SPATA13: variants seen among roughly 807,000 people sequenced by gnomAD.
SPATA13 encodes spermatogenesis associated 13.
In SPATA13, 50 loss-of-function variants were observed where a neutral mutation model predicts 104.0. The ratio of observed to expected loss-of-function variants is 0.48; its 90% CI spans 0.38 to 0.61. The LOEUF (loss-of-function observed/expected upper bound fraction) is 0.61. SPATA13 is among the 20% of genes least tolerant of loss of function. SPATA13 has a pLI of 0.00. For synonymous variants in SPATA13, 606 were observed against 667.5 expected, an observed-to-expected ratio of 0.91 and a Z score of 1.42; for missense variants, 1,524 against 1,690.6, an observed-to-expected ratio of 0.90 and a Z score of 1.73.
chr13:24,085,601 C>T (rs1469916513), intron 3 of SPATA13, among the ~76,000 whole-genome samples: 3 of 152,240 alleles, frequency 2.0e-5, no homozygotes, highest in Non-Finnish European at 1.5e-5. Context: ...TCTGCCACCA[C>T]GTGCCTTCTC....
intron 2 of SPATA13, among the ~76,000 whole-genome samples, chr13:24,227,832 A>C (rs187089996): frequency 6.6e-6 from 1 of 152,232 alleles, no homozygotes; most frequent in African/African-American, 2.4e-5. Flanking sequence ...AGCCTTCCAA[A>C]GTGCTAGGAT....
chr13:24,004,922 C>G (rs901594989), intron 2 of SPATA13, among the ~76,000 whole-genome samples: 2 of 152,140 alleles, frequency 1.3e-5, no homozygotes, highest in East Asian at 1.9e-4. Context: ...TTTAGCTGTC[C>G]TATTATCATC....
chr13:24,278,784 T>C (rs767874752), intron 4 of SPATA13: 4 of 1,601,592 alleles, frequency 2.5e-6, no homozygotes, highest in Non-Finnish European at 3.4e-6. Flanking sequence ...AAGAAAAATA[T>C]AGAAAAGAAA....
intron 3 of SPATA13, among the ~76,000 whole-genome samples, chr13:24,055,319 G>A (rs1878505233): frequency 6.6e-6 from 1 of 152,170 alleles, no homozygotes; most frequent in African/African-American, 2.4e-5. Context: ...ACAGTGCATC[G>A]TGTAAGATCC....
At chr13:24,037,812 C>T (rs570753040) in intron 3 of SPATA13, among the ~76,000 whole-genome samples, 33 of 152,174 alleles carry the variant, frequency 2.2e-4, no homozygotes, top group Non-Finnish European at 3.8e-4. Flanking sequence ...CCATGAAACC[C>T]CCAGAACTTG....
chr13:24,211,451 T>C (rs921673143), intron 1 of SPATA13, among the ~76,000 whole-genome samples: 2 of 152,198 alleles, frequency 1.3e-5, no homozygotes, highest in Non-Finnish European at 2.9e-5. Flanking sequence ...GTTGAGAGTT[T>C]TTATCATGAA....
rs755699463 is a variant in SPATA13, at chr13:24,251,745, C to G, written c.2047C>G (p.His683Asp). Residue 683 changes from histidine (H) to aspartate (D), a missense_variant, in exon 4 of 13, where the codon CAC (histidine) becomes GAC (aspartate). Around this residue, in one of 2 missense-constraint regions of SPATA13, gnomAD observed 1,089 missense variants for 1,135.9 expected, o/e 0.96. Transcript: ENST00000382108. ...GGCTTCCAGGCCGCCCATGCCTGCT[C>G]ACCAGGTGCCACCCTACAAGGCTGT... Reference protein sequence around the residue: ...QPASRPPMPAHQVPPYKAVSA... With the variant: ...QPASRPPMPADQVPPYKAVSA... 8.7e-6 allele frequency: 14 copies of G among 1,614,180 alleles called. No individual in the cohort carries two copies. The highest frequency in any genetic ancestry group is 6.6e-5 in the South Asian group (6 of 91,074).
intron 2 of SPATA13, among the ~76,000 whole-genome samples, chr13:24,229,234 G>A (rs1872122504): frequency 1.3e-5 from 2 of 152,168 alleles, no homozygotes; most frequent in South Asian, 4.1e-4. Context: ...CAGAGTCAGT[G>A]GTTCAGGTAG....
At chr13:24,291,747 TATTTTTTTA>T (rs1456788101) in intron 9 of SPATA13, among the ~76,000 whole-genome samples, 2 of 34,656 alleles carry the variant, frequency 5.8e-5, no homozygotes, top group African/African-American at 2.1e-4. Context: ...TTTATTTTTT[TATTTTTTTA>T]TTTTTTTTTT....
intron 3 of SPATA13, among the ~76,000 whole-genome samples, chr13:24,022,036 T>G (rs1035102384): frequency 6.8e-6 from 1 of 146,468 alleles, no homozygotes; most frequent in Non-Finnish European, 1.5e-5. Flanking sequence ...TTAATGTTTC[T>G]TTTCTCTTTT....
chr13:24,237,880 CATTTATA>C (rs1011138455), intron 2 of SPATA13, among the ~76,000 whole-genome samples: 135 of 84,128 alleles, frequency 1.6e-3, no homozygotes, highest in African/African-American at 5.4e-3. Context: ...TAATATATAT[CATTTATA>C]ATATATAAAC....
In SPATA13 at chr13:24,297,350, T is replaced by C; in HGVS notation, c.3211-13T>C. Reference sequence around the variant, plus strand: ...GAATTGGAAGGTCTTAAGATGTGTTTTCATCCTTCCAGGGACTGGATATCT... The same window carrying C: ...GAATTGGAAGGTCTTAAGATGTGTTCTCATCCTTCCAGGGACTGGATATCT... On this transcript the variant is annotated splice_polypyrimidine_tract_variant and intron_variant, in intron 10 of 12. Transcript: ENST00000382108. 1 of 1,597,598 alleles carries C rather than the reference T, an allele frequency of 6.3e-7. No individual in the cohort carries two copies. Among genetic ancestry groups the C allele is most frequent in the Non-Finnish European group, 8.5e-7 (1 of 1,171,826 alleles).
chr13:24,265,362 C>T (rs1053046693), intron 4 of SPATA13, among the ~76,000 whole-genome samples: 1 of 152,158 alleles, frequency 6.6e-6, no homozygotes, highest in Admixed American at 6.5e-5. Flanking sequence ...ATCACTGTGA[C>T]CTGTAGATTA....
At chr13:24,018,830 C>T (rs933271617) in intron 3 of SPATA13, among the ~76,000 whole-genome samples, 4 of 152,128 alleles carry the variant, frequency 2.6e-5, no homozygotes, top group East Asian at 1.9e-4. Flanking sequence ...GTGTATCATA[C>T]GAGTGGATTA....
intron 1 of SPATA13, among the ~76,000 whole-genome samples, chr13:24,221,717 G>C (rs1057049411): frequency 3.9e-5 from 6 of 152,050 alleles, no homozygotes; most frequent in Non-Finnish European, 5.9e-5. Context: ...TGTGTGGGAT[G>C]GGCATGGGTG....
At chr13:24,204,410 C>T (rs1353823086) in intron 1 of SPATA13, among the ~76,000 whole-genome samples, 1 of 151,318 alleles carries the variant, frequency 6.6e-6, no homozygotes, top group African/African-American at 2.4e-5. Context: ...GCAGACAGAG[C>T]TTTTTTTTTA....
chr13:24,116,299 T>C (rs1880835228), intron 3 of SPATA13, among the ~76,000 whole-genome samples: 1 of 152,250 alleles, frequency 6.6e-6, no homozygotes, highest in Non-Finnish European at 1.5e-5. Flanking sequence ...GTCCCAGCCA[T>C]GAGGACTCTG....
At position 24,255,701 on chromosome 13, in the gene SPATA13, T is replaced by C. The variant is rs1593467064; in HGVS notation, c.2164+3839T>C. Among the ~76,000 whole-genome samples, 3 of 152,274 alleles carry C rather than the reference T, an allele frequency of 2.0e-5. No homozygotes were observed. The East Asian group carries it at 5.8e-4, about 29-fold the overall frequency. ...ATGGGAGATGCAGCCCAAGGGGTGG[T>C]GAGACTCACATGATAGACCATCTCT... is the stretch of plus-strand genomic sequence containing the variant. On this transcript the variant is annotated intron_variant, in intron 4 of 12. Transcript: ENST00000382108.
intron 3 of SPATA13, among the ~76,000 whole-genome samples, chr13:24,146,625 A>G (rs185588803): frequency 2.0e-4 from 25 of 125,760 alleles, no homozygotes; most frequent in Non-Finnish European, 3.1e-4. Context: ...GCACTAAGGA[A>G]ATGGAAATGC....
Sources: allele counts gnomAD v4.1 joint callset (sites outside exome capture counted in the v4.1 genomes callset), GRCh38; gene constraint gnomAD v4.1.1; regional missense constraint gnomAD v4.1.1; transcripts MANE v1.5; gene names NCBI Gene and HGNC (gene_info 2026-07-23, HGNC 2026-07-21).